Variants in TAX1BP1 observed in about 807,000 individuals in gnomAD.
TAX1BP1 encodes the protein Tax1 binding protein 1.
TAX1BP1 carries 62 observed loss-of-function variants against 97.7 expected under a neutral mutation model. The ratio of observed to expected loss-of-function variants is 0.63; its 90% CI spans 0.52 to 0.78. The LOEUF is 0.78. TAX1BP1 is among the 30% of genes least tolerant of loss of function. The pLI is 0.00. For synonymous variants in TAX1BP1, 340 were observed against 304.2 expected (o/e 1.12, Z -1.23); for missense variants, 867 against 916.1 (o/e 0.95, Z 0.69).
chr7:27,757,854 C>A (rs1788282055), intron 2 of TAX1BP1, among the ~76,000 whole-genome samples, 177 bp from the exon 3 acceptor site: 1 of 151,948 alleles, frequency 6.6e-6, no homozygotes, highest in South Asian at 2.1e-4. Flanking sequence ...ATTTTTATAG[C>A]ATTAGGCTGT....
At chr7:27,821,593 C>G (rs1356183342) in intron 15 of TAX1BP1, among the ~76,000 whole-genome samples, 1 of 150,868 alleles carries the variant, frequency 6.6e-6, no homozygotes, top group Non-Finnish European at 1.5e-5. Flanking sequence ...CAAGATTGTG[C>G]CACTATACTC....
intron 12 of TAX1BP1, among the ~76,000 whole-genome samples, chr7:27,798,228 G>A (rs1173223811): frequency 6.6e-6 from 1 of 151,032 alleles, no homozygotes; most frequent in Non-Finnish European, 1.5e-5. Flanking sequence ...GGGTAGTTGG[G>A]GTTGTTTTTC....
At chr7:27,807,356 C>T (rs554870972) in intron 13 of TAX1BP1, among the ~76,000 whole-genome samples, 1 of 152,102 alleles carries the variant, frequency 6.6e-6, no homozygotes, top group South Asian at 2.1e-4. Context: ...ATAGTCTTTT[C>T]CTCCCTGATC....
chr7:27,821,901 G>A (rs1163023111), intron 15 of TAX1BP1, among the ~76,000 whole-genome samples: 1 of 152,130 alleles, frequency 6.6e-6, no homozygotes, highest in African/African-American at 2.4e-5. Flanking sequence ...GTTCTGCATA[G>A]TAATATAAGT....
Position 27,828,502 on chromosome 7 carries a change from G to A in TAX1BP1, c.2169-126G>A. On this transcript the variant is annotated intron_variant, in intron 16 of 16. Coordinates refer to ENST00000396319, the MANE Select transcript of TAX1BP1 (RefSeq NM_006024.7). ...AGCAGAGAAATGTTTCTGGAGTAAA[G>A]ACTTTTAAGGTAGGTTGTTTAGTAT... 3.7e-6 allele frequency: 3 copies of A among 815,798 alleles called. 1 individual carries two copies. Among genetic ancestry groups the A allele is most frequent in the South Asian group, 3.8e-5 (2 of 52,616 alleles). The allele number at this position is 815,798 out of a possible 1,614,324, so 50.5% of individuals were successfully genotyped here.
chr7:27,828,907 A>C lies in TAX1BP1; in HGVS notation c.*78A>C, dbSNP rs1286626664. 2 of 1,220,046 alleles carry C rather than the reference A, an allele frequency of 1.6e-6. No individual in the cohort carries two copies. The highest frequency in any genetic ancestry group is 2.3e-6 in the Non-Finnish European group (2 of 877,830). 75.6% of individuals were successfully genotyped at this position (1,220,046 alleles called of 1,614,324 possible). On this transcript the variant is annotated 3_prime_UTR_variant, in exon 17 of 17. Transcript: ENST00000396319. Reference sequence around the variant, plus strand: ...CCACACCTAAAATAGACCACTGAGGAGACCATAGAGCGGATGCTTTCATGC... The same window carrying C: ...CCACACCTAAAATAGACCACTGAGGCGACCATAGAGCGGATGCTTTCATGC...
intron 5 of TAX1BP1, among the ~76,000 whole-genome samples, chr7:27,770,689 A>C (rs1788813569): frequency 6.6e-6 from 1 of 152,114 alleles, no homozygotes; most frequent in Non-Finnish European, 1.5e-5. Flanking sequence ...TGTATACTCC[A>C]GTGGAGTGGT....
At chr7:27,812,016 G>A (rs553488670) in intron 13 of TAX1BP1, among the ~76,000 whole-genome samples, 1 of 152,300 alleles carries the variant, frequency 6.6e-6, no homozygotes, top group East Asian at 1.9e-4. Flanking sequence ...TAGATACCTA[G>A]GAGTGGAATT....
intron 13 of TAX1BP1, among the ~76,000 whole-genome samples, chr7:27,805,015 G>T (rs768260440): frequency 6.6e-6 from 1 of 152,136 alleles, no homozygotes; most frequent in Non-Finnish European, 1.5e-5. Context: ...GTGTTGGGGT[G>T]GTACCTTCAA....
intron 13 of TAX1BP1, 121 bp from the exon 14 acceptor site, chr7:27,816,228 C>A: frequency 3.9e-6 from 3 of 778,966 alleles, no homozygotes; most frequent in Non-Finnish European, 5.8e-6. Flanking sequence ...TTTCCAATTG[C>A]ATTCCAACTT....
At chr7:27,787,713 A>C in intron 8 of TAX1BP1, 110 bp downstream of exon 8, 1 of 980,472 alleles carries the variant, frequency 1.0e-6, no homozygotes, top group Non-Finnish European at 1.4e-6. Flanking sequence ...AAAAAGTTCA[A>C]ACTTACAAAA....
chr7:27,792,976 G>GA (rs550994080), intron 9 of TAX1BP1, 90 bp from the exon 10 acceptor site: 1 of 1,259,662 alleles, frequency 7.9e-7, no homozygotes. Context: ...ACAAAAAAAA[G>GA]AAAAAAAGTA....
chr7:27,793,503 CAA>C (rs1789797259), intron 10 of TAX1BP1, among the ~76,000 whole-genome samples: 1 of 152,102 alleles, frequency 6.6e-6, no homozygotes, highest in African/African-American at 2.4e-5. Flanking sequence ...ACTCAAAACT[CAA>C]TACTTATTAT....
chr7:27,762,553 G>T (rs1021369974), intron 3 of TAX1BP1, among the ~76,000 whole-genome samples: 2 of 152,064 alleles, frequency 1.3e-5, no homozygotes, highest in African/African-American at 4.8e-5. Flanking sequence ...TATTCAATTT[G>T]TTATAGTGAC....
At chr7:27,772,769 T>C (rs986305166) in intron 5 of TAX1BP1, among the ~76,000 whole-genome samples, 5 of 152,064 alleles carry the variant, frequency 3.3e-5, no homozygotes, top group African/African-American at 1.2e-4. Flanking sequence ...TGTTATTTTA[T>C]GAAATTGGCT....
intron 15 of TAX1BP1, among the ~76,000 whole-genome samples, chr7:27,819,684 G>T (rs564587233): frequency 6.6e-6 from 1 of 152,188 alleles, no homozygotes; most frequent in Admixed American, 6.5e-5. Flanking sequence ...GCTTACAGTG[G>T]GTTCATTGGA....
At chr7:27,806,823 G>A (rs933125547) in intron 13 of TAX1BP1, among the ~76,000 whole-genome samples, 1 of 152,088 alleles carries the variant, frequency 6.6e-6, no homozygotes, top group African/African-American at 2.4e-5. Flanking sequence ...ATTGCATTAA[G>A]TATATACATT....
At chr7:27,788,470 T>C (rs1377478756) in intron 8 of TAX1BP1, among the ~76,000 whole-genome samples, 1 of 152,048 alleles carries the variant, frequency 6.6e-6, no homozygotes, top group Non-Finnish European at 1.5e-5. Flanking sequence ...TCAGCTATTA[T>C]GTTGGTAATA....
chr7:27,818,769 C>T (rs1790870687), intron 15 of TAX1BP1, among the ~76,000 whole-genome samples: 1 of 152,150 alleles, frequency 6.6e-6, no homozygotes. Context: ...GATAGAGTCA[C>T]TTATTTGTTC....
Sources: gnomAD v4.1 joint callset for allele counts (sites outside exome capture counted in the v4.1 genomes callset) on GRCh38, gnomAD v4.1.1 for gene constraint, MANE v1.5 for transcripts, NCBI Gene and HGNC (gene_info 2026-07-23, HGNC 2026-07-21) for gene names.